The following HECW1 variants were observed in gnomAD, a reference collection of about 807,000 sequenced individuals.
HECW1 encodes HECT, C2 and WW domain containing E3 ubiquitin protein ligase 1, also known as E3 ubiquitin-protein ligase HECW1.
A neutral mutation model predicts 182.3 loss-of-function variants in HECW1; 61 were observed. The ratio of observed to expected loss-of-function variants is 0.33; its 90% CI spans 0.27 to 0.41. The LOEUF (loss-of-function observed/expected upper bound fraction) is 0.41. Ranked by LOEUF, HECW1 falls within the 10% of genes least tolerant of loss-of-function variation. The pLI is 1.00. For missense variants in HECW1, 1,739 were observed against 2,108.9 expected (o/e 0.82, Z 3.44); for synonymous variants, 859 against 832.6 (o/e 1.03, Z -0.55).
intron 3 of HECW1, among the ~76,000 whole-genome samples, chr7:43,310,478 A>AT (rs1808365111): frequency 6.6e-6 from 1 of 152,188 alleles, no homozygotes; most frequent in South Asian, 2.1e-4. Flanking sequence ...TGCCTGTCAT[A>AT]ATTCTGCAGC....
Position 43,563,996 on chromosome 7 carries a change from T to C in HECW1, c.*2070T>C. On this transcript the variant is annotated 3_prime_UTR_variant, in exon 30 of 30. Transcript: ENST00000395891. ...ATTATAGAAATTTAGACTTTTATTGTCTAAAAAGAATATTTACTGAGACAG... is the reference window on the plus strand; with the variant it reads ...ATTATAGAAATTTAGACTTTTATTGCCTAAAAAGAATATTTACTGAGACAG... 5.3e-6 allele frequency: 1 copy of C among 189,344 alleles called. No individual in the cohort carries two copies. The allele number at this position is 189,344 out of a possible 1,614,324, so 11.7% of individuals were successfully genotyped here.
intron 6 of HECW1, among the ~76,000 whole-genome samples, chr7:43,382,211 A>G (rs1390084798): frequency 6.6e-6 from 1 of 151,904 alleles, no homozygotes; most frequent in Non-Finnish European, 1.5e-5. Flanking sequence ...GCGTGAACCC[A>G]GGAGGCGGAG....
chr7:43,113,570 C>T lies in HECW1; in HGVS notation c.-266-587C>T, dbSNP rs543736283. The T allele has an allele frequency of 2.6e-3, 461 of 176,548 alleles. 7 individuals carry two copies. In the Middle Eastern group the frequency reaches 0.031, roughly 12 times the overall value. The allele number at this position is 176,548 out of a possible 1,614,324, so 10.9% of individuals were successfully genotyped here. On this transcript the variant is annotated intron_variant, in intron 1 of 29. Coordinates refer to ENST00000395891, the MANE Select transcript of HECW1 (RefSeq NM_015052.5). Reference sequence around the variant, plus strand: ...GCCTCCCTGTTACCGGCCGGCTGCGCCGCTCAGCCGGGCCTGCCACCTGAG... The same window carrying T: ...GCCTCCCTGTTACCGGCCGGCTGCGTCGCTCAGCCGGGCCTGCCACCTGAG...
intron 8 of HECW1, among the ~76,000 whole-genome samples, chr7:43,416,623 C>G (rs1039542455): frequency 2.0e-5 from 3 of 149,708 alleles, no homozygotes; most frequent in African/African-American, 7.4e-5. Flanking sequence ...CACCCCTCCC[C>G]CAGCCTCGCT....
intron 2 of HECW1, among the ~76,000 whole-genome samples, chr7:43,126,884 A>G (rs1296679878): frequency 6.6e-6 from 1 of 152,174 alleles, no homozygotes; most frequent in African/African-American, 2.4e-5. Flanking sequence ...GAACTCAATC[A>G]ATAACTGTGG....
At chr7:43,313,347 T>TTTA (rs910991115) in intron 4 of HECW1, among the ~76,000 whole-genome samples, 4 of 151,916 alleles carry the variant, frequency 2.6e-5, no homozygotes, top group Admixed American at 6.6e-5. Flanking sequence ...GCATTTTTTT[T>TTTA]TTTTTTTGAG....
chr7:43,543,790 A>G (rs868260056), intron 26 of HECW1, among the ~76,000 whole-genome samples: 36 of 151,556 alleles, frequency 2.4e-4, no homozygotes, highest in African/African-American at 8.4e-4. Context: ...ACAAAAAAAA[A>G]AAAAAAAAGA....
intron 2 of HECW1, among the ~76,000 whole-genome samples, chr7:43,215,254 C>A (rs1398221777): frequency 1.3e-5 from 2 of 152,254 alleles, no homozygotes; most frequent in African/African-American, 4.8e-5. Flanking sequence ...CCCGCATTAA[C>A]CCTTTAGCTG....
rs372874591 is a variant in HECW1, at chr7:43,463,754, G to A, written c.2746G>A (p.Gly916Ser). The change falls in exon 14 of 30, where the codon GGT (glycine) becomes AGT (serine). Residue 916 changes from glycine (G) to serine (S), a missense_variant. Physicochemically the swap from Gly to Ser is moderately conservative, Grantham distance 56 (BLOSUM62 0). Transcript: ENST00000395891. ...CEQAPAGGGG[G>S]GGSDSEAESS... ...GCAAGCCCCAGCAGGAGGAGGCGGA[G>A]GTGGAGGGAGTGACTCAGAAGCCGA... 6.2e-7 allele frequency: 1 copy of A among 1,614,078 alleles called. No individual in the cohort carries two copies. The highest frequency in any genetic ancestry group is 8.5e-7 in the Non-Finnish European group (1 of 1,180,024).
At chr7:43,246,090 C>T (rs78926718) in intron 3 of HECW1, among the ~76,000 whole-genome samples, 2,580 of 151,340 alleles carry the variant, frequency 0.017, 72 homozygotes, top group African/African-American at 0.059. Flanking sequence ...CTTGACGCCA[C>T]GAGTATGAGA....
At chr7:43,382,968 TC>T (rs1341900956) in intron 6 of HECW1, among the ~76,000 whole-genome samples, 1 of 152,142 alleles carries the variant, frequency 6.6e-6, no homozygotes, top group Non-Finnish European at 1.5e-5. Context: ...TGTGTGATGT[TC>T]CCTTCCCTGT....
chr7:43,508,058 A>G lies in HECW1; in HGVS notation c.3793A>G (p.Asn1265Asp). The change falls in exon 23 of 30, where the codon AAT (asparagine) becomes GAT (aspartate). Residue 1265 changes from asparagine (N) to aspartate (D), a missense_variant. Coordinates refer to ENST00000395891, the MANE Select transcript of HECW1 (RefSeq NM_015052.5). Reference sequence around the variant, plus strand: ...GGATCATTTGTTGGAGGGAACCTTCAATCAGGTGATGGCCTATTCGCGGAA... The same window carrying G: ...GGATCATTTGTTGGAGGGAACCTTCGATCAGGTGATGGCCTATTCGCGGAA... ...RRDHLLEGTF[N>D]QVMAYSRKEL... is the part of the protein sequence containing the mutation. The G allele has an allele frequency of 6.2e-7, 1 of 1,614,062 alleles. No individual in the cohort carries two copies.
At chr7:43,118,726 A>T (rs919715671) in intron 2 of HECW1, among the ~76,000 whole-genome samples, 7 of 152,178 alleles carry the variant, frequency 4.6e-5, no homozygotes, top group Non-Finnish European at 1.0e-4. Context: ...AAATTGGAAA[A>T]AAAAATCGTT....
intron 16 of HECW1, among the ~76,000 whole-genome samples, chr7:43,475,179 A>G (rs1448934203): frequency 1.3e-5 from 2 of 152,210 alleles, no homozygotes; most frequent in East Asian, 3.8e-4. Context: ...GGCCCCAAAA[A>G]TGAAGCTGAC....
intron 2 of HECW1, among the ~76,000 whole-genome samples, chr7:43,215,488 G>A (rs541209386): frequency 3.3e-5 from 5 of 152,354 alleles, no homozygotes; most frequent in African/African-American, 1.2e-4. Flanking sequence ...TGAGCAGTAT[G>A]TAATTGCAAT....
At position 43,125,214 on chromosome 7, in the gene HECW1, C is replaced by T. The variant is rs147343557; in HGVS notation, c.-32+10823C>T. Among the ~76,000 whole-genome samples, 10 of 152,198 alleles carry T rather than the reference C, an allele frequency of 6.6e-5. 1 individual carries two copies. The East Asian group carries it at 1.2e-3, about 18-fold the overall frequency. The stretch of plus-strand genomic sequence containing the variant: ...CTATTACCTTCAAAGGCTCCTCCTC[C>T]AAGTATCATCACACTGGGAGTTAGG... On this transcript the variant is annotated intron_variant, in intron 2 of 29. Transcript: ENST00000395891.
At chr7:43,314,963 GGACT>G (rs1428616189) in intron 4 of HECW1, among the ~76,000 whole-genome samples, 25 of 152,316 alleles carry the variant, frequency 1.6e-4, no homozygotes, top group African/African-American at 4.8e-4. Context: ...CCCTGGCTCA[GGACT>G]CATGCTGCCA....
At position 43,562,016 on chromosome 7, in the gene HECW1, C is replaced by T. The variant is rs2082222677; in HGVS notation, c.*90C>T. The T allele has an allele frequency of 2.7e-6, 2 of 746,096 alleles. No individual in the cohort carries two copies. Among genetic ancestry groups the T allele is most frequent in the Non-Finnish European group, 4.6e-6 (2 of 435,022 alleles). The allele number at this position is 746,096 out of a possible 1,614,324, so 46.2% of individuals were successfully genotyped here. On this transcript the variant is annotated 3_prime_UTR_variant, in exon 30 of 30. Transcript: ENST00000395891. The stretch of plus-strand genomic sequence containing the variant: ...TTTCCCTTTCCCTTAATCAACTCTC[C>T]TTTGATTTTGGTATTCCATGATTTT...
chr7:43,198,727 T>A (rs762631425), intron 2 of HECW1, among the ~76,000 whole-genome samples: 7 of 113,710 alleles, frequency 6.2e-5, no homozygotes, highest in African/African-American at 2.4e-4. Flanking sequence ...ATTTGCACAC[T>A]CTCACACCCC....
Sources: gnomAD v4.1 joint callset for allele counts (sites outside exome capture counted in the v4.1 genomes callset) on GRCh38, gnomAD v4.1.1 for gene constraint, MANE v1.5 for transcripts, NCBI Gene and HGNC (gene_info 2026-07-23, HGNC 2026-07-21) for gene names.